ABCA1: variants seen among roughly 807,000 people sequenced by gnomAD.
ABCA1 encodes the protein phospholipid-transporting ATPase ABCA1.
A neutral mutation model predicts 262.5 loss-of-function variants in ABCA1; 133 were observed. That is an observed-to-expected ratio of 0.51 (90% CI 0.44 to 0.59). The LOEUF (loss-of-function observed/expected upper bound fraction) is 0.59. Ranked by LOEUF, ABCA1 falls within the 20% of genes least tolerant of loss-of-function variation. The pLI is 0.00. For missense variants in ABCA1, 2,452 were observed against 2,777.5 expected (o/e 0.88, Z 2.63); for synonymous variants, 1,022 against 1,043.5 (o/e 0.98, Z 0.40).
chr9:104,918,253 C>T (rs970029547), intron 1 of ABCA1, among the ~76,000 whole-genome samples: 1 of 152,038 alleles, frequency 6.6e-6, no homozygotes, highest in African/African-American at 2.4e-5. Context: ...CCAAACAATG[C>T]CAGGAAGGGG....
intron 1 of ABCA1, among the ~76,000 whole-genome samples, chr9:104,922,480 A>G (rs779108914): frequency 3.5e-4 from 54 of 152,184 alleles, no homozygotes; most frequent in Non-Finnish European, 6.5e-4. Context: ...ATAATAATGT[A>G]CCTAGCCTGC....
chr9:104,914,016 G>A (rs1841676746), intron 1 of ABCA1, among the ~76,000 whole-genome samples: 1 of 151,526 alleles, frequency 6.6e-6, no homozygotes, highest in South Asian at 2.1e-4. Flanking sequence ...AGCCAGGATG[G>A]TCTCGATCTC....
intron 1 of ABCA1, among the ~76,000 whole-genome samples, chr9:104,907,508 C>T (rs190208770): frequency 2.7e-4 from 41 of 152,198 alleles, no homozygotes; most frequent in South Asian, 8.3e-4. Flanking sequence ...AATTAAGAGA[C>T]GGATAGGAGA....
At chr9:104,786,270 A>G (rs780571628) in intron 48 of ABCA1, 28 bp downstream of exon 48, 23 of 1,552,730 alleles carry the variant, frequency 1.5e-5, no homozygotes, top group Non-Finnish European at 1.5e-5. Context: ...CTCACTAGGC[A>G]CTATCCCAAA....
chr9:104,823,322 GCA>G (rs143024075), intron 18 of ABCA1, among the ~76,000 whole-genome samples: 2 of 151,458 alleles, frequency 1.3e-5, no homozygotes, highest in South Asian at 4.2e-4. Flanking sequence ...AACTAAATAC[GCA>G]CACACACACA....
chr9:104,886,717 T>C (rs1271347412), intron 3 of ABCA1, among the ~76,000 whole-genome samples: 2 of 152,206 alleles, frequency 1.3e-5, no homozygotes, highest in African/African-American at 4.8e-5. Context: ...TTGTGCCCCA[T>C]CCTATTTGCA....
chr9:104,926,225 GAAAAGTCGGATTTT>G (rs1369684130), intron 1 of ABCA1, among the ~76,000 whole-genome samples: 1 of 152,126 alleles, frequency 6.6e-6, no homozygotes, highest in Non-Finnish European at 1.5e-5. Flanking sequence ...AAGTGTCAAT[GAAAAGTCGGATTTT>G]AAAAGCTAAT....
chr9:104,860,312 A>C (rs193300732), intron 6 of ABCA1, among the ~76,000 whole-genome samples: 17 of 152,310 alleles, frequency 1.1e-4, no homozygotes, highest in African/African-American at 3.8e-4. Flanking sequence ...TGAAATTGGC[A>C]GGGGGCAATG....
chr9:104,900,919 G>A (rs1478002073), intron 2 of ABCA1, among the ~76,000 whole-genome samples: 1 of 152,238 alleles, frequency 6.6e-6, no homozygotes, highest in Non-Finnish European at 1.5e-5. Flanking sequence ...AACAACTTAA[G>A]CCCCTTTGTG....
At chr9:104,790,811 C>T (rs1321141075) in intron 44 of ABCA1, 111 bp downstream of exon 44, 4 of 785,746 alleles carry the variant, frequency 5.1e-6, no homozygotes, top group South Asian at 3.0e-5. Context: ...TATATTTCAA[C>T]ATTTTTATGA....
chr9:104,802,031 A>G (rs371822416), intron 34 of ABCA1, 23 bp downstream of exon 34: 23 of 1,609,230 alleles, frequency 1.4e-5, no homozygotes, highest in African/African-American at 2.7e-5. Context: ...TTTTTCTGAT[A>G]CATCTTACGA....
intron 1 of ABCA1, among the ~76,000 whole-genome samples, chr9:104,916,652 C>T (rs1005860001): frequency 6.6e-6 from 1 of 152,170 alleles, no homozygotes; most frequent in African/African-American, 2.4e-5. Context: ...GCCATTCTAC[C>T]ACTGTGGGTA....
chr9:104,920,537 G>T (rs1397077102), intron 1 of ABCA1, among the ~76,000 whole-genome samples: 1 of 151,946 alleles, frequency 6.6e-6, no homozygotes, highest in Non-Finnish European at 1.5e-5. Context: ...GTTTTGTTTT[G>T]TTTTTTTGAG....
rs769664851 is a variant in ABCA1 at position 104,822,525 on chromosome 9, G to A, written c.2799C>T (p.Gly933=). The A allele has an allele frequency of 3.5e-5, 56 of 1,613,736 alleles. No homozygotes were observed. The highest frequency in any genetic ancestry group is 4.0e-5 in the African/African-American group (3 of 74,868). Residue 933 remains glycine (G), a synonymous_variant, in exon 19 of 50, where the codon GGC becomes GGT. Coordinates refer to ENST00000374736, the MANE Select transcript of ABCA1 (RefSeq NM_005502.4). ...FYEGQITSFL[G]HNGAGKTTTM... ...TGGTCGTCTTCCCCGCTCCATTGTG[G>A]CCCAGGAAGGAGGTGATCTGGCCCT...
chr9:104,883,201 A>AAGGGTGCAAGAAAAGGCGAAAGGCTTTAG lies in ABCA1; in HGVS notation c.303-45_303-44insCTAAAGCCTTTCGCCTTTTCTTGCACCCT. 2.7e-6 allele frequency: 4 copies of AAGGGTGCAAGAAAAGGCGAAAGGCTTTAG among 1,507,576 alleles called. No individual in the cohort carries two copies. In the African/African-American group the frequency reaches 5.5e-5, roughly 21 times the overall value. 93.4% of individuals were successfully genotyped at this position (1,507,576 alleles called of 1,614,324 possible). A position where few individuals can be genotyped will look rare whatever the true frequency, so the allele number is the denominator to read the frequency against. The stretch of plus-strand genomic sequence containing the variant: ...AAGGCGAAAGGCTTTAGCTAGGCCA[A>AAGGGTGCAAGAAAAGGCGAAAGGCTTTAG]CTGCCTCTGCTGCTTTACAGAAGTG... On this transcript the variant is annotated intron_variant, in intron 4 of 49. Coordinates refer to ENST00000374736, the MANE Select transcript of ABCA1 (RefSeq NM_005502.4).
intron 1 of ABCA1, among the ~76,000 whole-genome samples, chr9:104,918,736 A>G (rs1452259745): frequency 1.3e-5 from 2 of 152,302 alleles, no homozygotes; most frequent in South Asian, 4.1e-4. Flanking sequence ...AAGGGTCTGC[A>G]GGTCAGTGTA....
At chr9:104,787,405 C>T (rs1829024315) in intron 46 of ABCA1, among the ~76,000 whole-genome samples, 1 of 151,822 alleles carries the variant, frequency 6.6e-6, no homozygotes, top group Non-Finnish European at 1.5e-5. Context: ...CAACTGTTAG[C>T]CTTACAGAAA....
intron 36 of ABCA1, 136 bp downstream of exon 36, chr9:104,799,683 C>T (rs1450683835): frequency 2.6e-6 from 4 of 1,560,220 alleles, no homozygotes; most frequent in Non-Finnish European, 3.5e-6. Flanking sequence ...CTGCCCAGAG[C>T]CTGGATCAAT....
intron 5 of ABCA1, among the ~76,000 whole-genome samples, chr9:104,875,275 G>A (rs1263613604): frequency 2.0e-5 from 3 of 149,858 alleles, no homozygotes; most frequent in African/African-American, 7.4e-5. Context: ...TCCAGGAGGC[G>A]GTGGTCGCAG....
Sources: gnomAD v4.1 joint callset for allele counts (sites outside exome capture counted in the v4.1 genomes callset) on GRCh38, gnomAD v4.1.1 for gene constraint, MANE v1.5 for transcripts, NCBI Gene and HGNC (gene_info 2026-07-23, HGNC 2026-07-21) for gene names.